IDO2: variants seen among roughly 807,000 people sequenced by gnomAD.
The protein encoded by IDO2 is indoleamine 2,3-dioxygenase-like 1 protein.
A neutral mutation model predicts 45.1 loss-of-function variants in IDO2; 46 were observed. The observed-to-expected ratio is 1.02, with a 90% CI of 0.80 to 1.30. The LOEUF (loss-of-function observed/expected upper bound fraction) is 1.30, where lower values mean the gene tolerates loss of function less well. Ranked by LOEUF, IDO2 falls within the 50% of genes most tolerant of loss-of-function variation. IDO2 has a pLI of 0.00. For missense variants in IDO2, 544 were observed against 491.8 expected, an observed-to-expected ratio of 1.11 and a Z score of -1.00; for synonymous variants, 218 against 184.9, an observed-to-expected ratio of 1.18 and a Z score of -1.45.
chr8:39,961,611 C>T (rs748429917), intron 2 of IDO2, among the ~76,000 whole-genome samples: 9 of 152,146 alleles, frequency 5.9e-5, no homozygotes, highest in Non-Finnish European at 1.0e-4. Context: ...TATGAGCCAT[C>T]GTGCCCAGCC....
At chr8:40,006,686 G>C (rs950607839) in intron 9 of IDO2, among the ~76,000 whole-genome samples, 1 of 86,822 alleles carries the variant, frequency 1.2e-5, no homozygotes, top group African/African-American at 4.1e-5. Flanking sequence ...TTGAGACAGA[G>C]TCTTGCTCTT....
chr8:39,967,590 C>A (rs1808107419), intron 3 of IDO2, among the ~76,000 whole-genome samples: 1 of 152,100 alleles, frequency 6.6e-6, no homozygotes, highest in Admixed American at 6.5e-5. Flanking sequence ...TGGGTTCAAG[C>A]AATTGTCCTG....
intron 2 of IDO2, among the ~76,000 whole-genome samples, chr8:39,952,771 A>C (rs1331397943): frequency 6.8e-6 from 1 of 146,992 alleles, no homozygotes; most frequent in Non-Finnish European, 1.5e-5. Context: ...GAGGCTCTGG[A>C]GTTCAGATTT....
At chr8:39,987,811 C>A in intron 6 of IDO2, 60 bp from the exon 7 acceptor site, 2 of 959,792 alleles carry the variant, frequency 2.1e-6, no homozygotes, top group Non-Finnish European at 1.6e-6. Flanking sequence ...GAACTCTGGG[C>A]AGTGAGTACT....
intron 5 of IDO2, 109 bp from the exon 6 acceptor site, chr8:39,985,399 C>T: frequency 1.1e-6 from 1 of 923,290 alleles, no homozygotes; most frequent in Non-Finnish European, 1.7e-6. Context: ...AGTGTGCATG[C>T]CTGTGGACAT....
chr8:39,957,148 C>T (rs1330076004), intron 2 of IDO2, among the ~76,000 whole-genome samples: 1 of 151,240 alleles, frequency 6.6e-6, no homozygotes, highest in Non-Finnish European at 1.5e-5. Context: ...TAAATGAATT[C>T]AGCACTATCA....
Position 39,975,393 on chromosome 8 carries a change from A to G in IDO2, c.196-3674A>G, listed in dbSNP as rs571854274. The stretch of plus-strand genomic sequence containing the variant: ...ACTGAGAGAAGATATTGTCACACAT[A>G]TAAATGAAAAGAAGATTTGTATCCT... On this transcript the variant is annotated intron_variant, in intron 3 of 10. Coordinates refer to ENST00000502986, the Ensembl canonical transcript of IDO2. 3.5e-4 allele frequency among the ~76,000 whole-genome samples: 53 copies of G among 152,272 alleles called. 1 individual carries two copies. Among genetic ancestry groups the G allele is most frequent in the African/African-American group, 1.2e-3 (48 of 41,554 alleles).
chr8:39,989,446 G>A (rs113603584), intron 7 of IDO2, among the ~76,000 whole-genome samples: 26 of 152,256 alleles, frequency 1.7e-4, no homozygotes, highest in African/African-American at 5.8e-4. Flanking sequence ...TCCGAGAGAA[G>A]AAGAGTAAAA....
intron 9 of IDO2, among the ~76,000 whole-genome samples, 152 bp from the exon 10 acceptor site, chr8:40,013,413 G>C (rs1802337195): frequency 1.3e-5 from 2 of 152,160 alleles, no homozygotes; most frequent in African/African-American, 4.8e-5. Flanking sequence ...TGATGCTTCA[G>C]TACTTACCCT....
At chr8:39,973,873 T>C (rs1175770232) in intron 3 of IDO2, among the ~76,000 whole-genome samples, 2 of 151,688 alleles carry the variant, frequency 1.3e-5, no homozygotes, top group Admixed American at 1.3e-4. Context: ...TCCCGAGTAG[T>C]TGGTATTACA....
chr8:39,990,945 G>C (rs1808489247), intron 8 of IDO2, among the ~76,000 whole-genome samples: 2 of 152,204 alleles, frequency 1.3e-5, no homozygotes, highest in African/African-American at 4.8e-5. Context: ...GGATGTGAGA[G>C]AGGGGTGTGG....
chr8:40,010,047 G>T (rs75710595), intron 9 of IDO2, among the ~76,000 whole-genome samples: 16 of 151,928 alleles, frequency 1.1e-4, no homozygotes, highest in Middle Eastern at 3.4e-3. Flanking sequence ...TGGGTGGGGG[G>T]ATGGACAATT....
At chr8:39,948,881 T>TA (rs1188106542) in intron 1 of IDO2, among the ~76,000 whole-genome samples, 3 of 152,224 alleles carry the variant, frequency 2.0e-5, no homozygotes, top group Non-Finnish European at 4.4e-5. Flanking sequence ...TCTCTGGGGT[T>TA]AAAACTGCTT....
At chr8:39,989,063 T>C (rs1260323956) in intron 7 of IDO2, among the ~76,000 whole-genome samples, 1 of 152,176 alleles carries the variant, frequency 6.6e-6, no homozygotes. Flanking sequence ...AGAAGTTTAA[T>C]TGACTCATAG....
At position 40,015,923 on chromosome 8, in the gene IDO2, T is replaced by C. The variant is rs1263343400; in HGVS notation, c.*321T>C. 2.8e-5 allele frequency: 10 copies of C among 361,172 alleles called. No homozygotes were observed. The East Asian group carries it at 3.3e-4, about 12-fold the overall frequency. 22.4% of individuals were successfully genotyped at this position (361,172 alleles called of 1,614,324 possible). On this transcript the variant is annotated 3_prime_UTR_variant, in exon 11 of 11. Transcript: ENST00000502986. ...AGAAAACCAATCTAAATGTCAAAAATCAGATAAAATTGCCTGGGGATACAT... is the reference window on the plus strand; with the variant it reads ...AGAAAACCAATCTAAATGTCAAAAACCAGATAAAATTGCCTGGGGATACAT...
intron 9 of IDO2, among the ~76,000 whole-genome samples, chr8:40,009,743 T>C (rs1033154208): frequency 1.3e-5 from 2 of 152,188 alleles, no homozygotes; most frequent in Admixed American, 1.3e-4. Flanking sequence ...GTTTTCTCTG[T>C]CACCTTCACT....
intron 2 of IDO2, among the ~76,000 whole-genome samples, chr8:39,959,972 G>C (rs1282718978): frequency 6.6e-6 from 1 of 152,000 alleles, no homozygotes; most frequent in Non-Finnish European, 1.5e-5. Context: ...GAGTGAAACT[G>C]TGTCTCAATC....
At chr8:39,961,940 G>A (rs1300565252) in intron 2 of IDO2, among the ~76,000 whole-genome samples, 1 of 152,160 alleles carries the variant, frequency 6.6e-6, no homozygotes, top group Non-Finnish European at 1.5e-5. Flanking sequence ...TCAGAGATTG[G>A]TGAACTTTTT....
At position 39,934,965 on chromosome 8, in the gene IDO2, A is replaced by G. The variant is rs571596423; in HGVS notation, c.-271A>G. The G allele has an allele frequency of 6.2e-5, 39 of 628,478 alleles. No individual in the cohort carries two copies. In the Middle Eastern group the frequency reaches 9.3e-4, roughly 15 times the overall value. 38.9% of individuals were successfully genotyped at this position (628,478 alleles called of 1,614,324 possible). A position where few individuals can be genotyped will look rare whatever the true frequency, so the allele number is the denominator to read the frequency against. On this transcript the variant is annotated 5_prime_UTR_variant, in exon 1 of 11. An upstream open reading frame in the 5' UTR loses its in-frame stop. Coordinates refer to ENST00000502986, the Ensembl canonical transcript of IDO2. Reference sequence around the variant, plus strand: ...TGGTTTGGAAATTTCAGTCCAGATGATAGTTAAGAAAGCAGTAAGAATACA... The same window carrying G: ...TGGTTTGGAAATTTCAGTCCAGATGGTAGTTAAGAAAGCAGTAAGAATACA...
Sources: allele counts gnomAD v4.1 joint callset (sites outside exome capture counted in the v4.1 genomes callset), GRCh38; gene constraint gnomAD v4.1.1; transcripts MANE v1.5; gene names NCBI Gene and HGNC (gene_info 2026-07-23, HGNC 2026-07-21).